LARP1B: variants seen among roughly 807,000 people sequenced by gnomAD.
LARP1B encodes la-related protein 1B.
A neutral mutation model predicts 114.2 loss-of-function variants in LARP1B; 76 were observed. The observed-to-expected ratio is 0.67, with a 90% CI of 0.55 to 0.81. The LOEUF (loss-of-function observed/expected upper bound fraction) is 0.81, where lower values mean the gene tolerates loss of function less well. LARP1B is among the 30% of genes least tolerant of loss of function. The pLI, the probability that LARP1B is intolerant of heterozygous loss-of-function variation, is 0.00. For synonymous variants in LARP1B, 345 were observed against 348.0 expected, an observed-to-expected ratio of 0.99 and a Z score of 0.10; for missense variants, 1,014 against 1,075.8, an observed-to-expected ratio of 0.94 and a Z score of 0.80.
intron 4 of LARP1B, among the ~76,000 whole-genome samples, chr4:128,081,618 A>C (rs965815930): frequency 6.6e-6 from 1 of 152,020 alleles, no homozygotes; most frequent in African/African-American, 2.4e-5. Flanking sequence ...TAGGCCAACT[A>C]TGGGGATTGT....
rs78979017 is a variant in LARP1B at position 128,072,002 on chromosome 4, C to CTTTATTTATTTA, written c.-77-2454_-77-2443dup. ...ACGTTTTATTATTTATTTATTTTTA[C>CTTTATTTATTTA]TTTATTTATTTATTTGAGATGGAGT... On this transcript the variant is annotated intron_variant, in intron 1 of 19. Transcript: ENST00000326639. Among the ~76,000 whole-genome samples the CTTTATTTATTTA allele has an allele frequency of 8.4e-4, 126 of 150,794 alleles. 5 individuals carry two copies. Among genetic ancestry groups the CTTTATTTATTTA allele is most frequent in the Middle Eastern group, 3.4e-3 (1 of 290 alleles).
chr4:128,180,795 A>G (rs544186094), intron 15 of LARP1B, among the ~76,000 whole-genome samples: 4 of 152,338 alleles, frequency 2.6e-5, no homozygotes, highest in South Asian at 2.1e-4. Flanking sequence ...GCTGGATTGT[A>G]TAATAAGAAT....
Position 128,091,373 on chromosome 4 carries a change from C to A in LARP1B, c.529C>A (p.Gln177Lys), listed in dbSNP as rs1775869379. Residue 177 changes from glutamine (Q) to lysine (K), a missense_variant, in exon 7 of 20, where the codon CAA becomes AAA. Transcript: ENST00000326639. ...RLNFDYSYGY[Q>K]EHGERTDQPF... ...GAACTTTGATTATTCATATGGTTAT[C>A]AAGAACATGGTGAAAGGACTGATCA... 6.2e-7 allele frequency: 1 copy of A among 1,611,056 alleles called. No homozygotes were observed. Among genetic ancestry groups the A allele is most frequent in the Non-Finnish European group, 8.5e-7 (1 of 1,178,658 alleles).
chr4:128,079,859 C>T (rs1769560297), intron 4 of LARP1B, among the ~76,000 whole-genome samples: 1 of 152,118 alleles, frequency 6.6e-6, no homozygotes, highest in African/African-American at 2.4e-5. Context: ...GCCACCATGC[C>T]TGGCCTCCTC....
intron 15 of LARP1B, among the ~76,000 whole-genome samples, chr4:128,191,115 T>TTG (rs1335581940): frequency 6.6e-6 from 1 of 151,982 alleles, no homozygotes; most frequent in African/African-American, 2.4e-5. Flanking sequence ...TCCAGGATTT[T>TTG]TTTTTTTAAT....
chr4:128,107,582 T>G (rs759931887), intron 9 of LARP1B: 2 of 1,377,862 alleles, frequency 1.5e-6, no homozygotes, highest in South Asian at 1.7e-5. Flanking sequence ...CTATCTTTTA[T>G]TTTTACTAAA....
chr4:128,075,768 A>G (rs1161476433), intron 3 of LARP1B, among the ~76,000 whole-genome samples: 1 of 152,062 alleles, frequency 6.6e-6, no homozygotes, highest in Non-Finnish European at 1.5e-5. Context: ...GCTGGTATCA[A>G]ACTCCTGAGC....
chr4:128,109,152 T>G (rs1229769313), intron 9 of LARP1B, among the ~76,000 whole-genome samples: 1 of 152,060 alleles, frequency 6.6e-6, no homozygotes, highest in Non-Finnish European at 1.5e-5. Flanking sequence ...CTGACCTTAA[T>G]AATTTCCTAG....
chr4:128,137,966 T>C (rs1726209264), intron 11 of LARP1B, among the ~76,000 whole-genome samples: 1 of 151,900 alleles, frequency 6.6e-6, no homozygotes, highest in Non-Finnish European at 1.5e-5. Flanking sequence ...TTTTGGAATA[T>C]ATATTCTTAA....
chr4:128,095,602 T>C (rs563100478), intron 7 of LARP1B, among the ~76,000 whole-genome samples: 7 of 151,950 alleles, frequency 4.6e-5, no homozygotes, highest in Non-Finnish European at 1.0e-4. Context: ...TGGGTAAATA[T>C]CAAACTATTA....
At chr4:128,198,520 C>T (rs74356290) in intron 15 of LARP1B, among the ~76,000 whole-genome samples, 2,735 of 152,310 alleles carry the variant, frequency 0.018, 65 homozygotes, top group East Asian at 0.1. Flanking sequence ...AGGATGCAGT[C>T]ACAAGTAAGT....
intron 11 of LARP1B, among the ~76,000 whole-genome samples, chr4:128,131,348 A>G (rs1791513389): frequency 6.6e-6 from 1 of 152,178 alleles, no homozygotes; most frequent in South Asian, 2.1e-4. Flanking sequence ...AATATTTGCA[A>G]ATCAAAGGAG....
intron 12 of LARP1B, among the ~76,000 whole-genome samples, chr4:128,171,414 T>C (rs1385310537): frequency 6.6e-6 from 1 of 152,214 alleles, no homozygotes; most frequent in Non-Finnish European, 1.5e-5. Context: ...ATTATAGGCA[T>C]GAATCACCAC....
chr4:128,160,416 G>A (rs534356602), intron 11 of LARP1B, among the ~76,000 whole-genome samples: 1 of 152,310 alleles, frequency 6.6e-6, no homozygotes, highest in South Asian at 2.1e-4. Flanking sequence ...GAAGGGACAT[G>A]AAAAGGAAGC....
intron 5 of LARP1B, among the ~76,000 whole-genome samples, chr4:128,083,675 A>AC (rs1771807065): frequency 1.6e-5 from 1 of 60,674 alleles, no homozygotes; most frequent in Non-Finnish European, 3.7e-5. Flanking sequence ...GGGGGGGCTG[A>AC]GCCCCCCCAC....
At position 128,098,747 on chromosome 4, in the gene LARP1B, G is replaced by GTA. The variant is rs1554010737; in HGVS notation, c.813+437_813+438dup. On this transcript the variant is annotated intron_variant, in intron 8 of 19. Transcript: ENST00000326639. ...AGCATGTGTTCCTGTATATGTATGT[G>GTA]TATATATATATATATATATATTTTT... Among the ~76,000 whole-genome samples, 103 of 15,580 alleles carry GTA rather than the reference G, an allele frequency of 6.6e-3. 11 individuals are homozygous for GTA. Among genetic ancestry groups the GTA allele is most frequent in the Middle Eastern group, 0.05 (1 of 20 alleles). The allele number at this position is 15,580 out of a possible 152,430, so 10.2% of individuals were successfully genotyped here. A position where few individuals can be genotyped will look rare whatever the true frequency, so the allele number is the denominator to read the frequency against.
In LARP1B at chr4:128,099,131, C is replaced by T. The variant is rs147295644; in HGVS notation, c.813+801C>T. ...TAGTCCTTCTGGCTGGGCATGGTGGCTCATGCCTGTAATCCCAGCACTTTG... is the reference window on the plus strand; with the variant it reads ...TAGTCCTTCTGGCTGGGCATGGTGGTTCATGCCTGTAATCCCAGCACTTTG... On this transcript the variant is annotated intron_variant, in intron 8 of 19. Coordinates refer to ENST00000326639, the MANE Select transcript of LARP1B (RefSeq NM_018078.4). Among the ~76,000 whole-genome samples the T allele has an allele frequency of 2.0e-3, 298 of 151,618 alleles. 7 individuals are homozygous for T. In the East Asian group the frequency reaches 0.037, roughly 19 times the overall value.
At chr4:128,134,234 T>G (rs1455854736) in intron 11 of LARP1B, among the ~76,000 whole-genome samples, 1 of 152,046 alleles carries the variant, frequency 6.6e-6, no homozygotes. Flanking sequence ...CTCCTGGCCT[T>G]AAGCAATCCT....
chr4:128,111,110 G>A (rs1041355132), intron 9 of LARP1B, among the ~76,000 whole-genome samples: 3 of 150,028 alleles, frequency 2.0e-5, no homozygotes, highest in Non-Finnish European at 4.4e-5. Flanking sequence ...GCAATGGCAC[G>A]ATCTCTGCTC....
Sources: gnomAD v4.1 joint callset for allele counts (sites outside exome capture counted in the v4.1 genomes callset) on GRCh38, gnomAD v4.1.1 for gene constraint, MANE v1.5 for transcripts, NCBI Gene and HGNC (gene_info 2026-07-23, HGNC 2026-07-21) for gene names.